Variants in RPTOR observed in about 807,000 individuals in gnomAD.
The protein encoded by RPTOR is regulatory-associated protein of mTOR.
Under a neutral mutation model 169.9 loss-of-function variants are expected in RPTOR, and 21 were observed. The observed-to-expected ratio is 0.12, with a 90% CI of 0.09 to 0.18. The LOEUF (loss-of-function observed/expected upper bound fraction) is 0.18. RPTOR is among the 10% of genes least tolerant of loss of function. The pLI, the probability that RPTOR is intolerant of heterozygous loss-of-function variation, is 1.00. For missense variants in RPTOR, 1,133 were observed against 1,855.9 expected, an observed-to-expected ratio of 0.61 and a Z score of 7.16; for synonymous variants, 732 against 753.2, an observed-to-expected ratio of 0.97 and a Z score of 0.46.
intron 5 of RPTOR, among the ~76,000 whole-genome samples, chr17:80,739,404 A>T (rs3850125): frequency 6.6e-6 from 1 of 152,078 alleles, no homozygotes; most frequent in Non-Finnish European, 1.5e-5. Context: ...GGAAACAGGC[A>T]TAGAGATCAG....
intron 3 of RPTOR, among the ~76,000 whole-genome samples, chr17:80,669,803 T>G: frequency 6.6e-6 from 1 of 152,260 alleles, no homozygotes; most frequent in East Asian, 1.9e-4. Context: ...GGATCATCTC[T>G]CTTTCCTCTT....
intron 6 of RPTOR, among the ~76,000 whole-genome samples, chr17:80,766,987 T>G (rs2066793936): frequency 6.6e-6 from 1 of 152,206 alleles, no homozygotes; most frequent in South Asian, 2.1e-4. Context: ...GTCAAAACTT[T>G]TTCTAGAGTG....
chr17:80,638,965 G>A lies in RPTOR; in HGVS notation c.266-4763G>A, dbSNP rs114048567. Among the ~76,000 whole-genome samples, 293 of 152,282 alleles carry A rather than the reference G, an allele frequency of 1.9e-3. 1 individual carries two copies. The highest frequency in any genetic ancestry group is 6.8e-3 in the African/African-American group (283 of 41,542). ...GTCCCACAGACGCTGCAAGGGCCGC[G>A]GGTCCCGGCCGAAGCTTTCCTGTCC... On this transcript the variant is annotated intron_variant, in intron 2 of 33. Transcript: ENST00000306801.
At chr17:80,848,452 A>G (rs1178892791) in intron 11 of RPTOR, among the ~76,000 whole-genome samples, 1 of 152,270 alleles carries the variant, frequency 6.6e-6, no homozygotes, top group Non-Finnish European at 1.5e-5. Flanking sequence ...GGTGAGGTGT[A>G]AACAAATAAA....
intron 21 of RPTOR, 89 bp downstream of exon 21, chr17:80,909,018 A>T: frequency 1.1e-6 from 1 of 878,986 alleles, no homozygotes; most frequent in South Asian, 1.4e-5. Flanking sequence ...GCCCGGGTCC[A>T]CACCACAGTT....
Position 80,964,571 on chromosome 17 carries a change from C to T in RPTOR, c.*241C>T. The T allele has an allele frequency of 1.7e-6, 1 of 573,154 alleles. No homozygotes were observed. Among genetic ancestry groups the T allele is most frequent in the South Asian group, 2.1e-5 (1 of 47,534 alleles). 35.5% of individuals were successfully genotyped at this position (573,154 alleles called of 1,614,324 possible). Reference sequence around the variant, plus strand: ...GTGGCTTCCCACTGAGCACCAGCATCCAGGTGCACCCCCGCGGCCACGGCG... The same window carrying T: ...GTGGCTTCCCACTGAGCACCAGCATTCAGGTGCACCCCCGCGGCCACGGCG... On this transcript the variant is annotated 3_prime_UTR_variant, in exon 34 of 34. Transcript: ENST00000306801.
At chr17:80,841,492 C>T (rs368324269) in intron 10 of RPTOR, among the ~76,000 whole-genome samples, 1,391 of 120,780 alleles carry the variant, frequency 0.012, 41 homozygotes, top group Non-Finnish European at 0.019. Context: ...CGGCAGCTCA[C>T]TCTCACCACA....
rs185444602 is a variant in RPTOR, at chr17:80,887,408, C to T, written c.1983+2260C>T. ...GGGGGGGGTGCTGACTCCAGGGGTG[C>T]GCCTCCATCCTCGTCATAGAGTCCT... On this transcript the variant is annotated intron_variant, in intron 17 of 33. Coordinates refer to ENST00000306801, the MANE Select transcript of RPTOR (RefSeq NM_020761.3). Among the ~76,000 whole-genome samples, 327 of 151,786 alleles carry T rather than the reference C, an allele frequency of 2.2e-3. 3 individuals carry two copies. Among genetic ancestry groups the T allele is most frequent in the African/African-American group, 7.8e-3 (321 of 41,360 alleles).
intron 13 of RPTOR, among the ~76,000 whole-genome samples, chr17:80,863,394 G>A (rs1324239333): frequency 6.6e-6 from 1 of 152,120 alleles, no homozygotes; most frequent in East Asian, 1.9e-4. Context: ...CCGTAATGAA[G>A]AAAAGGAAAT....
intron 1 of RPTOR, among the ~76,000 whole-genome samples, chr17:80,583,756 A>C (rs1221367853): frequency 6.6e-6 from 1 of 152,192 alleles, no homozygotes; most frequent in African/African-American, 2.4e-5. Context: ...TAGAAACGAG[A>C]ATGCACCCCC....
In RPTOR at chr17:80,959,479, A is replaced by C. The variant is rs1331405724; in HGVS notation, c.3478-599A>C. On this transcript the variant is annotated intron_variant, in intron 29 of 33. Transcript: ENST00000306801. The surrounding 1 kb of genome is among the most constrained non-coding windows in gnomAD (Gnocchi z 6.7). ...CCTGTGTTTCCTCCTGGAGTGCACA[A>C]CCCAGCACCGCCCATCGTGCGTGGA... is the stretch of plus-strand genomic sequence containing the variant. 6.6e-6 allele frequency among the ~76,000 whole-genome samples: 1 copy of C among 152,090 alleles called. No homozygotes were observed. The highest frequency in any genetic ancestry group is 1.5e-5 in the Non-Finnish European group (1 of 67,994).
At chr17:80,611,729 G>A (rs2065272329) in intron 1 of RPTOR, among the ~76,000 whole-genome samples, 1 of 150,116 alleles carries the variant, frequency 6.7e-6, no homozygotes. Context: ...AATTTCTTCA[G>A]CTGTTTCAAT....
At chr17:80,867,824 T>G (rs1784615856) in intron 13 of RPTOR, among the ~76,000 whole-genome samples, 1 of 152,202 alleles carries the variant, frequency 6.6e-6, no homozygotes, top group Admixed American at 6.5e-5. Flanking sequence ...GGGCAAGATC[T>G]GTACACCAAA....
intron 3 of RPTOR, among the ~76,000 whole-genome samples, chr17:80,673,848 T>C (rs2065840914): frequency 6.6e-6 from 1 of 152,254 alleles, no homozygotes; most frequent in Non-Finnish European, 1.5e-5. Flanking sequence ...GTCAGAATTG[T>C]GTAAGCGCGA....
chr17:80,956,551 C>G (rs2069251927), intron 28 of RPTOR, among the ~76,000 whole-genome samples: 1 of 152,232 alleles, frequency 6.6e-6, no homozygotes, highest in African/African-American at 2.4e-5. Flanking sequence ...AACCGGCTTC[C>G]TCAAGCTTTG....
chr17:80,853,102 G>A (rs2067811405), intron 11 of RPTOR, among the ~76,000 whole-genome samples: 3 of 152,068 alleles, frequency 2.0e-5, no homozygotes, highest in African/African-American at 7.2e-5. Flanking sequence ...CCTCTTGCCA[G>A]GCCTGTCCCC....
intron 19 of RPTOR, among the ~76,000 whole-genome samples, chr17:80,893,298 GGTGT>G (rs1032401267): frequency 6.7e-6 from 1 of 149,480 alleles, no homozygotes; most frequent in African/African-American, 2.5e-5. Context: ...GTGTGCGCCG[GGTGT>G]GTGTGTGCGC....
At chr17:80,735,709 T>A (rs1462658588) in intron 5 of RPTOR, among the ~76,000 whole-genome samples, 1 of 152,158 alleles carries the variant, frequency 6.6e-6, no homozygotes. Flanking sequence ...GCCTTTCTTC[T>A]GCTGGGACAG....
At chr17:80,822,623 T>C (rs1007425425) in intron 8 of RPTOR, among the ~76,000 whole-genome samples, 1 of 152,256 alleles carries the variant, frequency 6.6e-6, no homozygotes, top group Non-Finnish European at 1.5e-5. Context: ...AAACCAGAAT[T>C]GCTGTTGTAA....
Sources: allele counts gnomAD v4.1 joint callset (sites outside exome capture counted in the v4.1 genomes callset), GRCh38; gene constraint gnomAD v4.1.1; non-coding constraint Gnocchi (gnomAD v3.1); transcripts MANE v1.5; gene names NCBI Gene and HGNC (gene_info 2026-07-23, HGNC 2026-07-21).